Variants in CENPC observed in about 807,000 individuals in gnomAD.
CENPC encodes the protein CENP-C 1.
In CENPC, 63 loss-of-function variants were observed where a neutral mutation model predicts 112.1. That is an observed-to-expected ratio of 0.56 (90% CI 0.46 to 0.69). The LOEUF (loss-of-function observed/expected upper bound fraction) is 0.69, where lower values mean the gene tolerates loss of function less well. Ranked by LOEUF, CENPC falls within the 30% of genes least tolerant of loss-of-function variation. The probability of loss-of-function intolerance (pLI) is 0.00; values close to 1 mark genes in which losing one functional copy is unlikely to be tolerated. For synonymous variants in CENPC, 333 were observed against 367.6 expected, an observed-to-expected ratio of 0.91 and a Z score of 1.08; for missense variants, 1,000 against 1,103.8, an observed-to-expected ratio of 0.91 and a Z score of 1.33.
Position 67,531,886 on chromosome 4 carries a change from T to C in CENPC, c.232-972A>G, listed in dbSNP as rs145339078. On this transcript the variant is annotated intron_variant, in intron 4 of 18. Coordinates refer to ENST00000273853, the MANE Select transcript of CENPC (RefSeq NM_001812.4). ...AAAGCAATGGCAACAAAAGTGAAAA[T>C]TGACAAATGGGATCTAATTAAACTA... 1.2e-3 allele frequency among the ~76,000 whole-genome samples: 185 copies of C among 152,030 alleles called. No individual in the cohort carries two copies. In the Middle Eastern group the frequency reaches 0.014, roughly 11 times the overall value.
chr4:67,536,955 C>T (rs1445873703), intron 4 of CENPC, among the ~76,000 whole-genome samples: 1 of 149,606 alleles, frequency 6.7e-6, no homozygotes, highest in African/African-American at 2.5e-5. Flanking sequence ...TATTCCTTAG[C>T]TTAGGGAGGA....
intron 5 of CENPC, among the ~76,000 whole-genome samples, chr4:67,527,303 C>G (rs1726410843): frequency 6.6e-6 from 1 of 151,986 alleles, no homozygotes; most frequent in Non-Finnish European, 1.5e-5. Flanking sequence ...ATCATATGAT[C>G]ATATGGATTT....
At position 67,542,851 on chromosome 4, in the gene CENPC, T is replaced by TTTA. The variant is rs540113632; in HGVS notation, c.65+1297_65+1298insTAA. Among the ~76,000 whole-genome samples the TTTA allele has an allele frequency of 9.9e-5, 15 of 152,266 alleles. No homozygotes were observed. In the East Asian group the frequency reaches 2.9e-3, roughly 29 times the overall value. ...CACAGCTATAAATACACTCCTGCTA[T>TTTA]TACCTGTTTCAAGGATGAGATCCAA... is the stretch of plus-strand genomic sequence containing the variant. On this transcript the variant is annotated intron_variant, in intron 2 of 18. Coordinates refer to ENST00000273853, the MANE Select transcript of CENPC (RefSeq NM_001812.4).
intron 16 of CENPC, among the ~76,000 whole-genome samples, chr4:67,491,801 G>C (rs914959653): frequency 1.1e-4 from 16 of 152,022 alleles, no homozygotes; most frequent in Non-Finnish European, 1.9e-4. Flanking sequence ...CACAATCCCT[G>C]CCTGGCTTCA....
chr4:67,543,622 T>C (rs141893982), intron 2 of CENPC, among the ~76,000 whole-genome samples: 20 of 152,310 alleles, frequency 1.3e-4, no homozygotes, highest in Admixed American at 4.6e-4. Flanking sequence ...CTGTGCCCCA[T>C]TGGACCTACT....
chr4:67,515,369 G>A (rs1179323007), intron 7 of CENPC, among the ~76,000 whole-genome samples: 2 of 151,778 alleles, frequency 1.3e-5, no homozygotes, highest in African/African-American at 4.9e-5. Flanking sequence ...GGGAGGCTGA[G>A]GCGGAAGAAT....
chr4:67,492,383 C>T (rs185642182), intron 15 of CENPC, 108 bp from the exon 16 acceptor site: 335 of 582,562 alleles, frequency 5.8e-4, no homozygotes, highest in African/African-American at 3.6e-3. Context: ...AACTGTCAAA[C>T]GCAAAGAAGT....
At chr4:67,520,320 C>T (rs1413776318) in intron 5 of CENPC, among the ~76,000 whole-genome samples, 4 of 152,142 alleles carry the variant, frequency 2.6e-5, no homozygotes, top group South Asian at 2.1e-4. Flanking sequence ...AGATGGCAGG[C>T]GGTATGACCC....
At position 67,506,787 on chromosome 4, in the gene CENPC, C is replaced by T. The variant is rs1343784824; in HGVS notation, c.2051+1G>A. ...CTATTATCCTTACAATACACGCATA[C>T]CTTTCCTCTAAAACTGAAGTCTTAT... On this transcript the variant is annotated splice_donor_variant, in intron 11 of 18. Transcript: ENST00000273853. LOFTEE classifies it high-confidence loss of function. 4 of 1,590,150 alleles carry T rather than the reference C, an allele frequency of 2.5e-6. No individual in the cohort carries two copies. Among genetic ancestry groups the T allele is most frequent in the Non-Finnish European group, 2.6e-6 (3 of 1,168,342 alleles).
intron 17 of CENPC, among the ~76,000 whole-genome samples, chr4:67,482,531 G>A (rs114010184): frequency 0.011 from 1,644 of 152,194 alleles, 33 homozygotes; most frequent in African/African-American, 0.037. Flanking sequence ...TAGATAATGT[G>A]GTATACATGT....
At chr4:67,515,079 G>T (rs141317612) in intron 7 of CENPC, among the ~76,000 whole-genome samples, 1 of 151,434 alleles carries the variant, frequency 6.6e-6, no homozygotes, top group Admixed American at 6.6e-5. Context: ...TAACTTTTGG[G>T]GTCTGAATTT....
chr4:67,473,821 A>G (rs2109756394), intron 18 of CENPC, among the ~76,000 whole-genome samples: 1 of 152,280 alleles, frequency 6.6e-6, no homozygotes, highest in Middle Eastern at 3.4e-3. Context: ...TTGGGATTAC[A>G]GGTGTGAGCC....
Position 67,514,185 on chromosome 4 carries a change from G to T in CENPC, c.1333C>A (p.His445Asn), listed in dbSNP as rs1226471211. Reference protein sequence around the residue: ...DVGQSKDENIHTSHITQDEFQ... With the variant: ...DVGQSKDENINTSHITQDEFQ... ...TCGTCTTGGGTAATATGTGATGTAT[G>T]TATGTTTTCATCTTTAGACTGTCCC... The change falls in exon 8 of 19, where the codon CAT (histidine) becomes AAT (asparagine). Residue 445 changes from histidine (H) to asparagine (N), a missense_variant. His to Asn is a moderately conservative substitution (Grantham distance 68, BLOSUM62 1). Transcript: ENST00000273853. The T allele has an allele frequency of 6.2e-7, 1 of 1,612,768 alleles. No homozygotes were observed. The highest frequency in any genetic ancestry group is 8.5e-7 in the Non-Finnish European group (1 of 1,179,474).
At chr4:67,491,504 GA>G (rs1725273398) in intron 16 of CENPC, among the ~76,000 whole-genome samples, 1 of 135,398 alleles carries the variant, frequency 7.4e-6, no homozygotes, top group South Asian at 2.7e-4. Context: ...GAGAGAGAGA[GA>G]GAGAGAGAGA....
At chr4:67,509,348 C>A (rs1220111781) in intron 9 of CENPC, among the ~76,000 whole-genome samples, 2 of 151,994 alleles carry the variant, frequency 1.3e-5, no homozygotes, top group Non-Finnish European at 2.9e-5. Flanking sequence ...AAATCTGTCA[C>A]AGGCTTCAAG....
intron 4 of CENPC, among the ~76,000 whole-genome samples, chr4:67,531,430 C>T (rs1726545240): frequency 6.6e-6 from 1 of 152,318 alleles, no homozygotes; most frequent in South Asian, 2.1e-4. Flanking sequence ...GCTTACAGGG[C>T]TACCCCTTGG....
chr4:67,490,840 ATATATAT>A, intron 16 of CENPC, among the ~76,000 whole-genome samples: 1 of 6,662 alleles, frequency 1.5e-4, no homozygotes, highest in South Asian at 6.6e-3. Context: ...AGAAATAAAT[ATATATAT>A]ATATATATAT....
chr4:67,514,049 G>C, intron 8 of CENPC, 25 bp downstream of exon 8: 1 of 1,533,038 alleles, frequency 6.5e-7, no homozygotes, highest in Non-Finnish European at 8.7e-7. Context: ...TAATGCTCAT[G>C]GTTATATTTA....
At chr4:67,494,284 T>C (rs1725371014) in intron 13 of CENPC, among the ~76,000 whole-genome samples, 1 of 152,228 alleles carries the variant, frequency 6.6e-6, no homozygotes, top group Non-Finnish European at 1.5e-5. Context: ...ATTGAGTTTG[T>C]TGGCTTATCT....
Sources: gnomAD v4.1 joint callset for allele counts (sites outside exome capture counted in the v4.1 genomes callset) on GRCh38, gnomAD v4.1.1 for gene constraint, MANE v1.5 for transcripts, NCBI Gene and HGNC (gene_info 2026-07-23, HGNC 2026-07-21) for gene names.